The following TTC28 variants were observed in gnomAD, a reference collection of about 807,000 sequenced individuals.
TTC28 encodes the protein tetratricopeptide repeat domain 28, also known as tetratricopeptide repeat protein 28.
Under a neutral mutation model 198.0 loss-of-function variants are expected in TTC28, and 61 were observed. The ratio of observed to expected loss-of-function variants is 0.31; its 90% CI spans 0.25 to 0.38. TTC28 has a LOEUF of 0.38. TTC28 is among the 10% of genes least tolerant of loss of function. The pLI is 1.00. For missense variants in TTC28, 2,678 were observed against 3,164.0 expected, an observed-to-expected ratio of 0.85 and a Z score of 3.69; for synonymous variants, 1,171 against 1,297.8, an observed-to-expected ratio of 0.90 and a Z score of 2.10.
chr22:28,485,598 G>A (rs563056075), intron 2 of TTC28, among the ~76,000 whole-genome samples: 1 of 152,200 alleles, frequency 6.6e-6, no homozygotes, highest in African/African-American at 2.4e-5. Context: ...TCTTCTTAAA[G>A]TGATTCCTTG....
At chr22:28,080,699 CTT>C (rs1941317401) in intron 12 of TTC28, among the ~76,000 whole-genome samples, 1 of 152,100 alleles carries the variant, frequency 6.6e-6, no homozygotes, top group African/African-American at 2.4e-5. Context: ...GAAGTAGTCC[CTT>C]TTCTCTCCTT....
At chr22:28,368,819 C>A (rs1186672392) in intron 2 of TTC28, among the ~76,000 whole-genome samples, 2 of 151,688 alleles carry the variant, frequency 1.3e-5, no homozygotes, top group Non-Finnish European at 2.9e-5. Context: ...AAATTAAATA[C>A]CTAGGAATTA....
intron 2 of TTC28, among the ~76,000 whole-genome samples, chr22:28,474,829 CAG>C (rs2146307576): frequency 6.6e-6 from 1 of 152,124 alleles, no homozygotes; most frequent in Admixed American, 6.5e-5. Context: ...GTAAGAATGA[CAG>C]ATGTTTTCTG....
At chr22:28,047,015 G>C (rs1184003439) in intron 12 of TTC28, among the ~76,000 whole-genome samples, 1 of 152,158 alleles carries the variant, frequency 6.6e-6, no homozygotes, top group East Asian at 1.9e-4. Context: ...CTAGATCAGT[G>C]GTCAGAGACG....
chr22:27,994,711 AG>A (rs1007574171), intron 17 of TTC28: 3 of 152,382 alleles, frequency 2.0e-5, no homozygotes, highest in African/African-American at 7.2e-5. Context: ...GATAATACCA[AG>A]GAAAAAGAGG....
intron 3 of TTC28, among the ~76,000 whole-genome samples, chr22:28,298,707 T>A (rs2044953550): frequency 6.6e-6 from 1 of 152,084 alleles, no homozygotes; most frequent in Non-Finnish European, 1.5e-5. Context: ...CACCTCGACC[T>A]CCCAAAGTGC....
intron 2 of TTC28, among the ~76,000 whole-genome samples, chr22:28,309,069 T>C (rs577725841): frequency 6.6e-6 from 1 of 152,302 alleles, no homozygotes; most frequent in South Asian, 2.1e-4. Context: ...AAGCTGATGA[T>C]AAAACCTAGA....
At position 28,385,033 on chromosome 22, in the gene TTC28, C is replaced by T. The variant is rs182053409; in HGVS notation, c.382-78390G>A. On this transcript the variant is annotated intron_variant, in intron 2 of 22. Transcript: ENST00000397906. Reference sequence around the variant, plus strand: ...GCATGCGACTGTAATCCCAGCTACTCGGGAGGCTGAGGCAGAAGAATTGCC... The same window carrying T: ...GCATGCGACTGTAATCCCAGCTACTTGGGAGGCTGAGGCAGAAGAATTGCC... Among the ~76,000 whole-genome samples, 168 of 150,430 alleles carry T rather than the reference C, an allele frequency of 1.1e-3. 1 individual carries two copies. Among genetic ancestry groups the T allele is most frequent in the African/African-American group, 3.8e-3 (154 of 41,032 alleles).
intron 2 of TTC28, among the ~76,000 whole-genome samples, chr22:28,465,883 A>C (rs570105626): frequency 1.2e-4 from 18 of 152,350 alleles, no homozygotes; most frequent in Admixed American, 1.0e-3. Context: ...ACCAGCTGTC[A>C]TATCCATATT....
intron 2 of TTC28, among the ~76,000 whole-genome samples, chr22:28,317,011 T>C (rs1418517458): frequency 6.6e-6 from 1 of 152,156 alleles, no homozygotes; most frequent in East Asian, 1.9e-4. Context: ...TGGGCTCAAG[T>C]GATCCTCCTG....
chr22:27,995,303 AGCTTG>A (rs2146531750), intron 17 of TTC28, among the ~76,000 whole-genome samples: 1 of 152,218 alleles, frequency 6.6e-6, no homozygotes, highest in Non-Finnish European at 1.5e-5. Context: ...ATTTGGAAGG[AGCTTG>A]GCTGTGGCAT....
In TTC28 at chr22:28,101,238, G is replaced by A; in HGVS notation, c.3350C>T (p.Ala1117Val). The change falls in exon 9 of 23, where the codon GCA becomes GTA. Residue 1117 changes from alanine to valine, a missense_variant. Physicochemically the swap from Ala to Val is moderately conservative, Grantham distance 64 (BLOSUM62 0). Around this residue, in one of 8 missense-constraint regions of TTC28, gnomAD observed 727 missense variants for 861.9 expected, o/e 0.84. Coordinates refer to ENST00000397906, the MANE Select transcript of TTC28 (RefSeq NM_001145418.2). ...GAGGCCAAGGCCATGGCGAATTTTTGCCTCATCTTCTCTTCGGCCCAGTTG... is the reference window on the plus strand; with the variant it reads ...GAGGCCAAGGCCATGGCGAATTTTTACCTCATCTTCTCTTCGGCCCAGTTG... ...AEQLGRREDE[A>V]KIRHGLGLSL... 2 of 1,551,666 alleles carry A rather than the reference G, an allele frequency of 1.3e-6. No homozygotes were observed. Among genetic ancestry groups the A allele is most frequent in the Non-Finnish European group, 1.7e-6 (2 of 1,146,936 alleles).
chr22:28,600,277 C>G (rs541756107), intron 2 of TTC28, among the ~76,000 whole-genome samples: 1 of 151,822 alleles, frequency 6.6e-6, no homozygotes, highest in Admixed American at 6.6e-5. Flanking sequence ...TGGTGGCACA[C>G]GCCTGTAGTC....
chr22:28,534,871 T>C (rs1220258179), intron 2 of TTC28, among the ~76,000 whole-genome samples: 6 of 151,798 alleles, frequency 4.0e-5, no homozygotes, highest in East Asian at 3.9e-4. Flanking sequence ...ATGAGAACAC[T>C]TGGACACAGG....
At chr22:28,619,164 T>C (rs2050949724) in intron 2 of TTC28, among the ~76,000 whole-genome samples, 1 of 152,188 alleles carries the variant, frequency 6.6e-6, no homozygotes, top group Admixed American at 6.6e-5. Context: ...CATGTATATA[T>C]AAATACAGAG....
chr22:28,537,387 T>C (rs1401276489), intron 2 of TTC28, among the ~76,000 whole-genome samples: 1 of 150,794 alleles, frequency 6.6e-6, no homozygotes, highest in East Asian at 1.9e-4. Context: ...AGCCCAAATA[T>C]GACACAAAGA....
chr22:28,619,923 A>G (rs1191560808), intron 2 of TTC28, among the ~76,000 whole-genome samples: 4 of 152,242 alleles, frequency 2.6e-5, no homozygotes, highest in African/African-American at 7.2e-5. Flanking sequence ...CAAATAGATA[A>G]CTTATTTTAA....
chr22:28,165,627 T>C (rs912126041), intron 5 of TTC28, among the ~76,000 whole-genome samples: 7 of 152,242 alleles, frequency 4.6e-5, no homozygotes, highest in South Asian at 2.1e-4. Context: ...CAAGTAAATG[T>C]TGACAGATTT....
chr22:28,200,300 A>G (rs1925811619), intron 5 of TTC28, among the ~76,000 whole-genome samples: 1 of 152,148 alleles, frequency 6.6e-6, no homozygotes, highest in Non-Finnish European at 1.5e-5. Flanking sequence ...TAAAAAATAC[A>G]AATTCTCAAC....
Sources: gnomAD v4.1 joint callset for allele counts (sites outside exome capture counted in the v4.1 genomes callset) on GRCh38, gnomAD v4.1.1 for gene constraint, gnomAD v4.1.1 regional missense constraint, MANE v1.5 for transcripts, NCBI Gene and HGNC (gene_info 2026-07-23, HGNC 2026-07-21) for gene names.